The following PGS1 variants were observed in gnomAD, a reference collection of about 807,000 sequenced individuals.
PGS1 encodes the protein phosphatidylglycerophosphate synthase 1.
Under a neutral mutation model 58.3 loss-of-function variants are expected in PGS1, and 44 were observed. The observed-to-expected ratio is 0.75, with a 90% confidence interval of 0.59 to 0.97. The LOEUF (loss-of-function observed/expected upper bound fraction) is 0.97. Ranked by LOEUF, PGS1 falls within the 50% of genes least tolerant of loss-of-function variation. PGS1 has a pLI of 0.00. For missense variants in PGS1, 684 were observed against 731.1 expected (o/e 0.94, Z 0.74); for synonymous variants, 330 against 311.0 (o/e 1.06, Z -0.64).
At chr17:78,412,365 G>A (rs1441625799) in intron 7 of PGS1, among the ~76,000 whole-genome samples, 1 of 152,208 alleles carries the variant, frequency 6.6e-6, no homozygotes, top group African/African-American at 2.4e-5. Context: ...CAAATCCTGA[G>A]CACTCACCTG....
intron 2 of PGS1, among the ~76,000 whole-genome samples, chr17:78,393,045 C>T (rs949322016): frequency 1.1e-4 from 17 of 151,416 alleles, no homozygotes; most frequent in African/African-American, 3.2e-4. Flanking sequence ...TGTGCGGCCA[C>T]GGGCCTAGAC....
At chr17:78,390,067 C>T (rs868350742) in intron 1 of PGS1, among the ~76,000 whole-genome samples, 3 of 143,634 alleles carry the variant, frequency 2.1e-5, no homozygotes, top group African/African-American at 5.2e-5. Flanking sequence ...CCTGTTCCCC[C>T]GCCCCCGACC....
chr17:78,401,211 A>G (rs143113574), intron 6 of PGS1, among the ~76,000 whole-genome samples: 1 of 152,116 alleles, frequency 6.6e-6, no homozygotes, highest in African/African-American at 2.4e-5. Context: ...CAGGGGGGTG[A>G]CAAACTCAGG....
At position 78,400,933 on chromosome 17, in the gene PGS1, G is replaced by A; in HGVS notation, c.880+78G>A. The A allele has an allele frequency of 7.7e-7, 1 of 1,295,846 alleles. No individual in the cohort carries two copies. Among genetic ancestry groups the A allele is most frequent in the Non-Finnish European group, 1.1e-6 (1 of 951,760 alleles). The allele number at this position is 1,295,846 out of a possible 1,614,324, so 80.3% of individuals were successfully genotyped here. The stretch of plus-strand genomic sequence containing the variant: ...GCCCGGGAGAGCACAACTCTAGGTG[G>A]TTCTGCCACAGGCATAGGGGACTTG... On this transcript the variant is annotated intron_variant, in intron 6 of 9. Coordinates refer to ENST00000262764, the MANE Select transcript of PGS1 (RefSeq NM_024419.5). This position sits in a 1 kb window ranked among gnomAD's most constrained non-coding sequence, Gnocchi z 4.4.
At chr17:78,405,960 G>GGTTTGT (rs2084102151) in intron 7 of PGS1, among the ~76,000 whole-genome samples, 1 of 152,172 alleles carries the variant, frequency 6.6e-6, no homozygotes. Context: ...GTGCTCAGGT[G>GGTTTGT]GTTTGTTTTT....
intron 7 of PGS1, among the ~76,000 whole-genome samples, chr17:78,414,525 G>A (rs2085003180): frequency 6.6e-6 from 1 of 152,206 alleles, no homozygotes; most frequent in South Asian, 2.1e-4. Flanking sequence ...GAGGCTCAGT[G>A]GGCAGCTGGG....
In PGS1 at chr17:78,405,773, A is replaced by C. The variant is rs571818229; in HGVS notation, c.1402+1684A>C. ...GGCCCCTGTGCCATGAGTACATCCCACGGCTTTTCTGGCTTCTCCCTGGGC... is the reference window on the plus strand; with the variant it reads ...GGCCCCTGTGCCATGAGTACATCCCCCGGCTTTTCTGGCTTCTCCCTGGGC... On this transcript the variant is annotated intron_variant, in intron 7 of 9. Coordinates refer to ENST00000262764, the MANE Select transcript of PGS1 (RefSeq NM_024419.5). 2.2e-3 allele frequency among the ~76,000 whole-genome samples: 335 copies of C among 152,188 alleles called. 1 individual carries two copies. The highest frequency in any genetic ancestry group is 7.9e-3 in the African/African-American group (326 of 41,506).
chr17:78,402,506 G>A lies in PGS1; in HGVS notation c.881-1062G>A, dbSNP rs151030468. On this transcript the variant is annotated intron_variant, in intron 6 of 9. Coordinates refer to ENST00000262764, the MANE Select transcript of PGS1 (RefSeq NM_024419.5). ...CTCGTCACCCAGGCTGGAGTGTGGT[G>A]GCACGATCTCAGCTCACTGCAACCT... Among the ~76,000 whole-genome samples the A allele has an allele frequency of 4.7e-3, 719 of 152,206 alleles. 4 individuals carry two copies. The highest frequency in any genetic ancestry group is 0.017 in the African/African-American group (693 of 41,510).
intron 3 of PGS1, among the ~76,000 whole-genome samples, chr17:78,397,906 G>T (rs2083362904): frequency 6.6e-6 from 1 of 152,240 alleles, no homozygotes; most frequent in Non-Finnish European, 1.5e-5. Flanking sequence ...GGAGGGCACT[G>T]TTGGTTGTGT....
Position 78,378,785 on chromosome 17 carries a change from G to T in PGS1, c.120G>T (p.Arg40Ser). 6.7e-7 allele frequency: 1 copy of T among 1,481,884 alleles called. No individual in the cohort carries two copies. Among genetic ancestry groups the T allele is most frequent in the Non-Finnish European group, 8.9e-7 (1 of 1,123,574 alleles). The allele number at this position is 1,481,884 out of a possible 1,614,324, so 91.8% of individuals were successfully genotyped here. Reference sequence around the variant, plus strand: ...GACGCCTGTCCGACCGCCTCGGCAGGAACCGGGACCGCCAGCGCAGGAGGT... The same window carrying T: ...GACGCCTGTCCGACCGCCTCGGCAGTAACCGGGACCGCCAGCGCAGGAGGT... ...LLGRLSDRLG[R>S]NRDRQRRRSP... Residue 40 changes from arginine to serine, a missense_variant, in exon 1 of 10, where the codon AGG becomes AGT. Transcript: ENST00000262764.
intron 9 of PGS1, chr17:78,421,270 CAG>C (rs10582335): frequency 0.13 from 19,836 of 151,786 alleles, 1,457 homozygotes; most frequent in Middle Eastern, 0.19. Flanking sequence ...GACCCTTGCA[CAG>C]AGAGAAGCTT....
rs764338880 is a variant in PGS1, at chr17:78,404,020, A to G, written c.1333A>G (p.Ser445Gly). The G allele has an allele frequency of 1.9e-6, 3 of 1,612,310 alleles. No individual in the cohort carries two copies. Among genetic ancestry groups the G allele is most frequent in the South Asian group, 1.1e-5 (1 of 91,026 alleles). Residue 445 changes from serine to glycine, a missense_variant, in exon 7 of 10, where the codon AGC becomes GGC. Transcript: ENST00000262764. ...GCGACAGTTCTTCAGTGAGGTGTGCAGCCTGGGACAGCAGGAGCGGGTCCA... is the reference window on the plus strand; with the variant it reads ...GCGACAGTTCTTCAGTGAGGTGTGCGGCCTGGGACAGCAGGAGCGGGTCCA... ...IERQFFSEVCSLGQQERVQLQ... is the reference protein window; with the variant it reads ...IERQFFSEVCGLGQQERVQLQ...
chr17:78,413,401 C>T (rs1321932739), intron 7 of PGS1, among the ~76,000 whole-genome samples: 3 of 152,244 alleles, frequency 2.0e-5, no homozygotes, highest in African/African-American at 4.8e-5. Flanking sequence ...AGGGGCAACT[C>T]GGGGATGCTG....
intron 9 of PGS1, chr17:78,419,943 C>T: frequency 8.3e-7 from 1 of 1,210,522 alleles, no homozygotes; most frequent in East Asian, 5.1e-5. Context: ...AGCCTGTAGT[C>T]CCCTTCTGCT....
chr17:78,399,228 G>A, intron 4 of PGS1, 120 bp from the exon 5 acceptor site: 2 of 731,192 alleles, frequency 2.7e-6, no homozygotes, highest in East Asian at 5.1e-5. Context: ...GCCCCAGCTG[G>A]TGTGACTGAT....
chr17:78,380,191 T>C (rs2081939405), intron 1 of PGS1, among the ~76,000 whole-genome samples: 1 of 152,120 alleles, frequency 6.6e-6, no homozygotes, highest in Non-Finnish European at 1.5e-5. Context: ...AATTGAGTCT[T>C]ACACTTGATC....
At chr17:78,409,785 T>C (rs1200678628) in intron 7 of PGS1, among the ~76,000 whole-genome samples, 1 of 152,242 alleles carries the variant, frequency 6.6e-6, no homozygotes, top group East Asian at 1.9e-4. Context: ...TGTTCATGCA[T>C]GTACTCTTAA....
At chr17:78,418,969 G>T (rs1258101682) in intron 8 of PGS1, among the ~76,000 whole-genome samples, 1 of 151,966 alleles carries the variant, frequency 6.6e-6, no homozygotes, top group Non-Finnish European at 1.5e-5. Context: ...ACTCTAAATT[G>T]AAGAAATTTA....
At chr17:78,393,349 C>T (rs143817439) in intron 2 of PGS1, among the ~76,000 whole-genome samples, 64 of 152,322 alleles carry the variant, frequency 4.2e-4, no homozygotes, top group African/African-American at 1.3e-3. Context: ...CATGAGCCAC[C>T]GCGCCCGGCC....
Sources: gnomAD v4.1 joint callset for allele counts (sites outside exome capture counted in the v4.1 genomes callset) on GRCh38, gnomAD v4.1.1 for gene constraint, Gnocchi (gnomAD v3.1) non-coding constraint, MANE v1.5 for transcripts, NCBI Gene and HGNC (gene_info 2026-07-23, HGNC 2026-07-21) for gene names.